Variants in PDE4D observed in about 807,000 individuals in gnomAD.
PDE4D encodes phosphodiesterase 4D.
A neutral mutation model predicts 87.4 loss-of-function variants in PDE4D; 24 were observed. The observed-to-expected ratio is 0.27, with a 90% CI of 0.20 to 0.39. The LOEUF (loss-of-function observed/expected upper bound fraction) is 0.39, where lower values mean the gene tolerates loss of function less well. PDE4D is among the 10% of genes least tolerant of loss of function. The probability of loss-of-function intolerance (pLI) is 1.00; values close to 1 mark genes in which losing one functional copy is unlikely to be tolerated. For synonymous variants in PDE4D, 384 were observed against 383.2 expected, an observed-to-expected ratio of 1.00 and a Z score of -0.02; for missense variants, 714 against 1,041.0, an observed-to-expected ratio of 0.69 and a Z score of 4.32.
At chr5:59,388,574 T>C (rs545306857) in intron 1 of PDE4D, among the ~76,000 whole-genome samples, 1 of 151,210 alleles carries the variant, frequency 6.6e-6, no homozygotes, top group Admixed American at 6.6e-5. Flanking sequence ...ATAGCAAAGA[T>C]ACAGAATCAA....
intron 1 of PDE4D, among the ~76,000 whole-genome samples, chr5:60,223,419 T>C (rs759154698): frequency 6.6e-6 from 1 of 152,074 alleles, no homozygotes; most frequent in East Asian, 1.9e-4. Flanking sequence ...CAATACTGAA[T>C]GAGGGCATGG....
chr5:59,817,492 G>A (rs1190258989), intron 1 of PDE4D, among the ~76,000 whole-genome samples: 10 of 152,064 alleles, frequency 6.6e-5, no homozygotes, highest in African/African-American at 9.7e-5. Context: ...ACTGTATTGC[G>A]TCCCTCACCC....
chr5:59,566,506 C>T (rs1820906674), intron 1 of PDE4D, among the ~76,000 whole-genome samples: 1 of 149,526 alleles, frequency 6.7e-6, no homozygotes, highest in Admixed American at 6.7e-5. Context: ...TGTCTTTCTC[C>T]CGTAGCATCT....
At chr5:59,753,926 G>A (rs917588872) in intron 1 of PDE4D, among the ~76,000 whole-genome samples, 5 of 152,170 alleles carry the variant, frequency 3.3e-5, no homozygotes, top group African/African-American at 1.2e-4. Context: ...TTAATTTATA[G>A]CTGGTCCAAC....
At chr5:59,188,638 A>T (rs1204095005) in intron 3 of PDE4D, among the ~76,000 whole-genome samples, 1 of 152,180 alleles carries the variant, frequency 6.6e-6, no homozygotes, top group East Asian at 1.9e-4. Context: ...TAAAACACAG[A>T]CCATGAGGTT....
At chr5:60,282,647 G>A (rs1752055515) in intron 1 of PDE4D, among the ~76,000 whole-genome samples, 1 of 152,104 alleles carries the variant, frequency 6.6e-6, no homozygotes, top group Non-Finnish European at 1.5e-5. Flanking sequence ...GATAATCCAG[G>A]ATTATTCCAT....
intron 5 of PDE4D, among the ~76,000 whole-genome samples, chr5:59,092,879 C>CT (rs1186227895): frequency 6.6e-6 from 1 of 152,180 alleles, no homozygotes; most frequent in Non-Finnish European, 1.5e-5. Flanking sequence ...TTTTTCTACT[C>CT]TAAGGTGCTC....
At chr5:59,588,445 G>A (rs1825499986) in intron 1 of PDE4D, among the ~76,000 whole-genome samples, 1 of 152,086 alleles carries the variant, frequency 6.6e-6, no homozygotes, top group African/African-American at 2.4e-5. Flanking sequence ...TTTTAACTTA[G>A]GTATTTAAAA....
chr5:59,723,721 C>T (rs1756189123), intron 1 of PDE4D, among the ~76,000 whole-genome samples: 1 of 152,110 alleles, frequency 6.6e-6, no homozygotes, highest in Non-Finnish European at 1.5e-5. Flanking sequence ...TATTTAAACA[C>T]TTTCTTTAGA....
intron 2 of PDE4D, among the ~76,000 whole-genome samples, chr5:60,139,044 CAGTACTCACAGTG>C (rs1780297159): frequency 3.3e-5 from 5 of 151,930 alleles, no homozygotes; most frequent in Admixed American, 3.3e-4. Context: ...CTGCTCACTC[CAGTACTCACAGTG>C]AGATCTCGGA....
intron 2 of PDE4D, among the ~76,000 whole-genome samples, chr5:59,204,060 G>A (rs1160325099): frequency 6.6e-6 from 1 of 152,076 alleles, no homozygotes; most frequent in African/African-American, 2.4e-5. Context: ...CCTGTTAATT[G>A]CTTGATTTAA....
At chr5:60,393,070 C>G (rs975536133) in intron 1 of PDE4D, among the ~76,000 whole-genome samples, 1 of 152,202 alleles carries the variant, frequency 6.6e-6, no homozygotes, top group Admixed American at 6.5e-5. Flanking sequence ...AACTTCAAGT[C>G]TCTGATGGAC....
intron 2 of PDE4D, among the ~76,000 whole-genome samples, chr5:60,042,925 A>T (rs1768694221): frequency 6.6e-6 from 1 of 152,142 alleles, no homozygotes; most frequent in Non-Finnish European, 1.5e-5. Context: ...GCAAGGGAAC[A>T]AAACTGGATG....
At chr5:59,817,246 C>G (rs1424167300) in intron 1 of PDE4D, among the ~76,000 whole-genome samples, 1 of 152,200 alleles carries the variant, frequency 6.6e-6, no homozygotes, top group East Asian at 1.9e-4. Context: ...TCATTTAGAT[C>G]ACACACATTT....
intron 6 of PDE4D, among the ~76,000 whole-genome samples, chr5:59,026,783 C>T (rs796568989): frequency 5.3e-5 from 8 of 152,142 alleles, no homozygotes; most frequent in African/African-American, 1.4e-4. Context: ...AAGATGGCTT[C>T]GATCTTTTAA....
chr5:59,537,305 G>A (rs1815461651), intron 1 of PDE4D, among the ~76,000 whole-genome samples: 1 of 152,316 alleles, frequency 6.6e-6, no homozygotes, highest in African/African-American at 2.4e-5. Context: ...AAGCTTTCCA[G>A]TTATTAATTA....
chr5:60,159,834 C>A (rs1371331480), intron 2 of PDE4D, among the ~76,000 whole-genome samples: 1 of 152,196 alleles, frequency 6.6e-6, no homozygotes, highest in Admixed American at 6.5e-5. Flanking sequence ...AGAATTTGTT[C>A]ATGATGTTGG....
At chr5:59,140,948 T>G (rs539529179) in intron 5 of PDE4D, among the ~76,000 whole-genome samples, 1 of 152,182 alleles carries the variant, frequency 6.6e-6, no homozygotes, top group East Asian at 1.9e-4. Flanking sequence ...ATTATATATA[T>G]GCATACAAGT....
chr5:60,380,737 A>T (rs765574361), intron 1 of PDE4D, among the ~76,000 whole-genome samples: 4 of 152,244 alleles, frequency 2.6e-5, no homozygotes, highest in Non-Finnish European at 4.4e-5. Context: ...TCTTAGGCTA[A>T]ACATAAGAAG....
Sources: gnomAD v4.1 joint callset for allele counts (sites outside exome capture counted in the v4.1 genomes callset) on GRCh38, gnomAD v4.1.1 for gene constraint, MANE v1.5 for transcripts, NCBI Gene and HGNC (gene_info 2026-07-23, HGNC 2026-07-21) for gene names.